The following KIF14 variants were observed in gnomAD, a reference collection of about 807,000 sequenced individuals.
KIF14 encodes the protein kinesin family member 14.
A neutral mutation model predicts 176.2 loss-of-function variants in KIF14; 98 were observed. The observed-to-expected ratio is 0.56, with a 90% CI of 0.47 to 0.66. The LOEUF (loss-of-function observed/expected upper bound fraction) is 0.66. Among genes scored for constraint, KIF14 ranks in the 30% least tolerant of loss-of-function variants. KIF14 has a pLI of 0.00. For missense variants in KIF14, 1,751 were observed against 1,920.4 expected (o/e 0.91, Z 1.65); for synonymous variants, 566 against 632.2 (o/e 0.90, Z 1.57).
intron 2 of KIF14, among the ~76,000 whole-genome samples, chr1:200,616,659 T>TA (rs760496526): frequency 3.3e-5 from 5 of 152,230 alleles, no homozygotes; most frequent in Non-Finnish European, 5.9e-5. Context: ...AGCTTCAAGT[T>TA]AAACACTACT....
chr1:200,580,444 G>C, intron 20 of KIF14, 61 bp from the exon 21 acceptor site: 6 of 1,115,926 alleles, frequency 5.4e-6, no homozygotes, highest in Non-Finnish European at 7.2e-6. Flanking sequence ...TTTATACTAA[G>C]AGTTTTCTGG....
At chr1:200,615,861 T>C (rs1008003914) in intron 2 of KIF14, among the ~76,000 whole-genome samples, 3 of 152,040 alleles carry the variant, frequency 2.0e-5, no homozygotes, top group Non-Finnish European at 4.4e-5. Flanking sequence ...TTTTACAAGA[T>C]TTTTTCCTCT....
At chr1:200,595,932 C>CAAAAAAA (rs35375679) in intron 14 of KIF14, among the ~76,000 whole-genome samples, 1 of 52,242 alleles carries the variant, frequency 1.9e-5, no homozygotes, top group Non-Finnish European at 3.9e-5. Context: ...ACTCCATCTC[C>CAAAAAAA]AAAAAAAAAA....
At chr1:200,607,819 G>C (rs1358476930) in intron 5 of KIF14, among the ~76,000 whole-genome samples, 2 of 152,086 alleles carry the variant, frequency 1.3e-5, no homozygotes, top group South Asian at 2.1e-4. Flanking sequence ...TCCTGCATCA[G>C]CCTCCTGAGT....
chr1:200,612,204 T>C (rs1242864337), intron 4 of KIF14, among the ~76,000 whole-genome samples: 2 of 152,094 alleles, frequency 1.3e-5, no homozygotes, highest in Non-Finnish European at 2.9e-5. Flanking sequence ...GGATTCACCA[T>C]GTTGGCCAGG....
chr1:200,559,388 C>A lies in KIF14; in HGVS notation c.4295G>T (p.Gly1432Val), dbSNP rs1235189108. The A allele has an allele frequency of 6.3e-6, 10 of 1,591,414 alleles. No homozygotes were observed. Among genetic ancestry groups the A allele is most frequent in the Non-Finnish European group, 8.6e-6 (10 of 1,168,074 alleles). The change falls in exon 27 of 30, where the codon GGA becomes GTA. Residue 1432 changes from glycine (G) to valine (V), a missense_variant. By Grantham distance (109) the Gly-to-Val change is moderately radical (BLOSUM62 -3). Coordinates refer to ENST00000367350, the MANE Select transcript of KIF14 (RefSeq NM_014875.3). ...GLGMKILLDSGLEKAKELQHE... is the reference protein window; with the variant it reads ...GLGMKILLDSVLEKAKELQHE... ...CTGAAGTTCTTTTGCTTTTTCCAGT[C>A]CAGAATCTAATAAAATCTTCATTCC...
In KIF14 at chr1:200,600,259, A is replaced by G. The variant is rs531281361; in HGVS notation, c.2300+97T>C. On this transcript the variant is annotated intron_variant, in intron 12 of 29. Coordinates refer to ENST00000367350, the MANE Select transcript of KIF14 (RefSeq NM_014875.3). ...GGAGTGGGCTGCTCTATTCATAAGG[A>G]AGGTCGGAAAAATACTCAGTATCCT... is the stretch of plus-strand genomic sequence containing the variant. 3.0e-4 allele frequency: 403 copies of G among 1,340,656 alleles called. No homozygotes were observed. In the African/African-American group the frequency reaches 5.3e-3, roughly 18 times the overall value. The allele number at this position is 1,340,656 out of a possible 1,614,324, so 83.0% of individuals were successfully genotyped here. A position where few individuals can be genotyped will look rare whatever the true frequency, so the allele number is the denominator to read the frequency against.
rs1418283285 is a variant in KIF14 at position 200,565,257 on chromosome 1, T to A, written c.3887-4A>T. The A allele has an allele frequency of 1.9e-6, 3 of 1,580,424 alleles. No homozygotes were observed. In the Admixed American group the frequency reaches 6.0e-5, roughly 32 times the overall value. On this transcript the variant is annotated splice_polypyrimidine_tract_variant and splice_region_variant and intron_variant, in intron 24 of 29. Transcript: ENST00000367350. ...ATTGCTCGATCAGAAGAAAACACTTTGAAAGAAGAAGAAAAATTACTGAAT... is the reference window on the plus strand; with the variant it reads ...ATTGCTCGATCAGAAGAAAACACTTAGAAAGAAGAAGAAAAATTACTGAAT...
At chr1:200,570,655 C>T (rs12092148) in intron 22 of KIF14, among the ~76,000 whole-genome samples, 120,792 of 152,140 alleles carry the variant, frequency 0.79, 48,304 homozygotes, top group African/African-American at 0.89. Context: ...GTGGTCTTTG[C>T]ATGTCAATAA....
At chr1:200,620,296 A>G (rs1441909480) in intron 1 of KIF14, 115 bp downstream of exon 1, 1 of 152,270 alleles carries the variant, frequency 6.6e-6, no homozygotes. Context: ...TCGCCATCAG[A>G]TTTTAAAGAG....
rs554414164 is a variant in KIF14 at position 200,611,512 on chromosome 1, G to A, written c.1456-2584C>T. Among the ~76,000 whole-genome samples the A allele has an allele frequency of 2.6e-5, 4 of 152,292 alleles. No individual in the cohort carries two copies. In the South Asian group the frequency reaches 8.3e-4, roughly 32 times the overall value. ...AATGCTATGAACAGGGATGGGGGCT[G>A]TCAGAATTCAATAAACACGTAATAA... On this transcript the variant is annotated intron_variant, in intron 4 of 29. Coordinates refer to ENST00000367350, the MANE Select transcript of KIF14 (RefSeq NM_014875.3).
chr1:200,574,785 T>A (rs541533491), intron 22 of KIF14, among the ~76,000 whole-genome samples: 1 of 152,264 alleles, frequency 6.6e-6, no homozygotes, highest in East Asian at 1.9e-4. Context: ...GTCTTTTATG[T>A]TTTGAGTTAA....
At chr1:200,612,942 C>T (rs1220274969) in intron 4 of KIF14, among the ~76,000 whole-genome samples, 1 of 131,048 alleles carries the variant, frequency 7.6e-6, no homozygotes, top group East Asian at 2.3e-4. Flanking sequence ...GGCTGGAGTG[C>T]AGTGGCGCGA....
rs758806902 is a variant in KIF14 at position 200,590,184 on chromosome 1, C to T, written c.2902G>A (p.Glu968Lys). 1.4e-5 allele frequency: 23 copies of T among 1,613,598 alleles called. No homozygotes were observed. The African/African-American group carries it at 2.7e-4, about 19-fold the overall frequency. ...TATGCAGCTTTTTGAGAAGAAAGCT[C>T]TTGCTGAGCCATTTCTTTTGCAATC... ...IQIAKEMAQQ[E>K]LSSQKAAYES... is the part of the protein sequence containing the mutation. Residue 968 changes from glutamate (E) to lysine (K), a missense_variant, in exon 17 of 30, where the codon GAG (glutamate) becomes AAG (lysine). By Grantham distance (56) the Glu-to-Lys change is moderately conservative. Transcript: ENST00000367350.
intron 19 of KIF14, among the ~76,000 whole-genome samples, chr1:200,581,913 GT>G (rs1474734392): frequency 6.6e-6 from 1 of 151,754 alleles, no homozygotes; most frequent in African/African-American, 2.4e-5. Context: ...GGAACTACAG[GT>G]GCATGCCACC....
Position 200,565,231 on chromosome 1 carries a change from G to T in KIF14, c.3909C>A (p.Ile1303=), listed in dbSNP as rs1657382597. ...ATGCAGTCTGAATAGTAAGTGACTG[G>T]ATTGCTCGATCAGAAGAAAACACTT... is the stretch of plus-strand genomic sequence containing the variant. The part of the protein sequence containing the change: ...QDNLFSSDRA[I]QSLTIQTACA... The change falls in exon 25 of 30, where the codon ATC becomes ATA. Residue 1303 remains isoleucine, a synonymous_variant. Coordinates refer to ENST00000367350, the MANE Select transcript of KIF14 (RefSeq NM_014875.3). 6.2e-7 allele frequency: 1 copy of T among 1,601,786 alleles called. No homozygotes were observed. Among genetic ancestry groups the T allele is most frequent in the African/African-American group, 1.3e-5 (1 of 74,222 alleles).
intron 10 of KIF14, 58 bp from the exon 11 acceptor site, chr1:200,602,126 T>G: frequency 6.8e-7 from 1 of 1,461,696 alleles, no homozygotes. Context: ...ACAGTAATTA[T>G]CTAGAAAGCA....
chr1:200,599,064 C>T (rs1659503448), intron 13 of KIF14, among the ~76,000 whole-genome samples: 1 of 152,188 alleles, frequency 6.6e-6, no homozygotes, highest in Non-Finnish European at 1.5e-5. Flanking sequence ...CCTGTCAACT[C>T]ACACCAAAAC....
chr1:200,578,777 T>C (rs746985507), intron 21 of KIF14, among the ~76,000 whole-genome samples: 29 of 152,222 alleles, frequency 1.9e-4, no homozygotes, highest in Non-Finnish European at 3.5e-4. Context: ...TATAGCTATA[T>C]TAATTTCCTA....
Sources: gnomAD v4.1 joint callset for allele counts (sites outside exome capture counted in the v4.1 genomes callset) on GRCh38, gnomAD v4.1.1 for gene constraint, MANE v1.5 for transcripts, NCBI Gene and HGNC (gene_info 2026-07-23, HGNC 2026-07-21) for gene names.